RNF26: variants seen among roughly 807,000 people sequenced by gnomAD.
RNF26 encodes E3 ubiquitin-protein ligase RNF26.
RNF26 carries 8 observed loss-of-function variants against 25.4 expected under a neutral mutation model. The ratio of observed to expected loss-of-function variants is 0.31; its 90% CI spans 0.18 to 0.57. RNF26 has a LOEUF of 0.57. Among genes scored for constraint, RNF26 ranks in the 20% least tolerant of loss-of-function variants. The pLI is 0.90. For synonymous variants in RNF26, 262 were observed against 246.7 expected, an observed-to-expected ratio of 1.06 and a Z score of -0.58; for missense variants, 470 against 552.0, an observed-to-expected ratio of 0.85 and a Z score of 1.49.
rs560108942 is a variant in RNF26, at chr11:119,334,797, C to T, written c.-326C>T. 4 of 402,476 alleles carry T rather than the reference C, an allele frequency of 9.9e-6. No individual in the cohort carries two copies. The South Asian group carries it at 1.1e-4, about 11-fold the overall frequency. 24.9% of individuals were successfully genotyped at this position (402,476 alleles called of 1,614,324 possible). On this transcript the variant is annotated 5_prime_UTR_variant, in exon 1 of 1. Coordinates refer to ENST00000311413, the MANE Select transcript of RNF26 (RefSeq NM_032015.5). ...CTCCCGGTCTGACCCGTTGCCCGGC[C>T]GTGGTTCGCCACACCAGGCATCCAA... is the stretch of plus-strand genomic sequence containing the variant.
rs749710031 is a variant in RNF26, at chr11:119,335,091, C to G, written c.-32C>G. On this transcript the variant is annotated 5_prime_UTR_variant, in exon 1 of 1. Coordinates refer to ENST00000311413, the MANE Select transcript of RNF26 (RefSeq NM_032015.5). Reference sequence around the variant, plus strand: ...ACAACCCCCCAACCGAGGAGCCAGACTTTGTTTTGGACTAACTTCCATAGC... The same window carrying G: ...ACAACCCCCCAACCGAGGAGCCAGAGTTTGTTTTGGACTAACTTCCATAGC... The G allele has an allele frequency of 1.9e-6, 3 of 1,566,268 alleles. No individual in the cohort carries two copies. In the African/African-American group the frequency reaches 4.1e-5, roughly 21 times the overall value.
Position 119,336,863 on chromosome 11 carries a change from C to T in RNF26, c.*439C>T, listed in dbSNP as rs979409230. On this transcript the variant is annotated 3_prime_UTR_variant, in exon 1 of 1. Transcript: ENST00000311413. ...TTGGGTGTTTTGGCAACTCAGGGGC[C>T]TTCGGATGATCTTAAACCTTTGTGT... is the stretch of plus-strand genomic sequence containing the variant. 1 of 200,300 alleles carries T rather than the reference C, an allele frequency of 5.0e-6. No homozygotes were observed. The highest frequency in any genetic ancestry group is 2.3e-5 in the African/African-American group (1 of 42,642). The allele number at this position is 200,300 out of a possible 1,614,324, so 12.4% of individuals were successfully genotyped here. A position where few individuals can be genotyped will look rare whatever the true frequency, so the allele number is the denominator to read the frequency against.
rs1284667028 is a variant in RNF26, at chr11:119,335,844, C to T, written c.722C>T (p.Thr241Met). The T allele has an allele frequency of 1.5e-5, 24 of 1,610,990 alleles. No homozygotes were observed. The highest frequency in any genetic ancestry group is 2.2e-5 in the East Asian group (1 of 44,888). The change falls in exon 1 of 1, where the codon ACG (threonine) becomes ATG (methionine). Residue 241 changes from threonine (T) to methionine (M), a missense_variant. Coordinates refer to ENST00000311413, the MANE Select transcript of RNF26 (RefSeq NM_032015.5). ...LVLLACVLAV[T>M]VTVLHPDFTL... Reference sequence around the variant, plus strand: ...TTGCTAGCTTGTGTGCTGGCAGTGACGGTGACTGTGTTGCATCCGGACTTC... The same window carrying T: ...TTGCTAGCTTGTGTGCTGGCAGTGATGGTGACTGTGTTGCATCCGGACTTC...
At position 119,336,389 on chromosome 11, in the gene RNF26, CG is replaced by C. The variant is rs1565289211; in HGVS notation, c.1271del (p.Gly424AlafsTer29). 6.2e-7 allele frequency: 1 copy of C among 1,611,314 alleles called. No homozygotes were observed. Among genetic ancestry groups the C allele is most frequent in the Non-Finnish European group, 8.5e-7 (1 of 1,179,822 alleles). ...CCACCGCAATTGCCCGCTCTGCCGC[CG>C]GGGCATCCTGCAGACCCTCAATGTC... ...VYHRNCPLCRRGILQTLNVYL is the reference protein window; with the variant it reads ...VYHRNCPLCRXGILQTLNVYL On this transcript the variant is annotated frameshift_variant, in exon 1 of 1. Coordinates refer to ENST00000311413, the MANE Select transcript of RNF26 (RefSeq NM_032015.5). LOFTEE classifies it high-confidence loss of function.
chr11:119,335,864 G>T lies in RNF26; in HGVS notation c.742G>T (p.Asp248Tyr). 1 of 1,609,976 alleles carries T rather than the reference G, an allele frequency of 6.2e-7. No homozygotes were observed. Among genetic ancestry groups the T allele is most frequent in the Non-Finnish European group, 8.5e-7 (1 of 1,180,016 alleles). Residue 248 changes from aspartate to tyrosine, a missense_variant, in exon 1 of 1, where the codon GAC becomes TAC. By Grantham distance (160) the Asp-to-Tyr change is radical (BLOSUM62 -3). Coordinates refer to ENST00000311413, the MANE Select transcript of RNF26 (RefSeq NM_032015.5). ...LAVTVTVLHP[D>Y]FTLRLATQAL... Reference sequence around the variant, plus strand: ...AGTGACGGTGACTGTGTTGCATCCGGACTTCACCCTGAGGCTGGCTACCCA... The same window carrying T: ...AGTGACGGTGACTGTGTTGCATCCGTACTTCACCCTGAGGCTGGCTACCCA...
chr11:119,335,905 C>A lies in RNF26; in HGVS notation c.783C>A (p.Leu261=), dbSNP rs1413647128. The A allele has an allele frequency of 6.2e-7, 1 of 1,609,736 alleles. No individual in the cohort carries two copies. The highest frequency in any genetic ancestry group is 8.5e-7 in the Non-Finnish European group (1 of 1,180,014). The change falls in exon 1 of 1, where the codon CTC becomes CTA. Residue 261 remains leucine (L), a synonymous_variant. Transcript: ENST00000311413. ...LRLATQALSQ[L]HARPSYHRLR... is the part of the protein sequence containing the mutation. ...TGGCTACCCAGGCACTCAGCCAGCT[C>A]CATGCCCGGCCATCCTACCACCGTC...
rs148204658 is a variant in RNF26 at position 119,336,118 on chromosome 11, G to T, written c.996G>T (p.Gly332=). Residue 332 remains glycine, a synonymous_variant, in exon 1 of 1, where the codon GGG becomes GGT. Transcript: ENST00000311413. ...GACAGGACACTCTTCCTGAAGCGGG[G>T]CGCAGATCAGAGGCAGAAGAGGAGG... ...TRRQDTLPEA[G]RRSEAEEEEA... 27 of 1,614,074 alleles carry T rather than the reference G, an allele frequency of 1.7e-5. No homozygotes were observed. In the Admixed American group the frequency reaches 4.3e-4, roughly 26 times the overall value.
At position 119,335,923 on chromosome 11, in the gene RNF26, C is replaced by T. The variant is rs1344782094; in HGVS notation, c.801C>T (p.Tyr267=). 6.2e-7 allele frequency: 1 copy of T among 1,610,458 alleles called. No individual in the cohort carries two copies. The highest frequency in any genetic ancestry group is 1.7e-5 in the Admixed American group (1 of 60,032). Reference sequence around the variant, plus strand: ...GCCAGCTCCATGCCCGGCCATCCTACCACCGTCTTCGAGAGGATGTCATGC... The same window carrying T: ...GCCAGCTCCATGCCCGGCCATCCTATCACCGTCTTCGAGAGGATGTCATGC... The part of the protein sequence containing the change: ...ALSQLHARPS[Y]HRLREDVMRL... Residue 267 remains tyrosine, a synonymous_variant, in exon 1 of 1, where the codon TAC becomes TAT. Coordinates refer to ENST00000311413, the MANE Select transcript of RNF26 (RefSeq NM_032015.5).
Position 119,336,029 on chromosome 11 carries a change from C to T in RNF26, c.907C>T (p.Arg303Trp), listed in dbSNP as rs202238538. The part of the protein sequence containing the change: ...RSLQLASWPN[R>W]GGAPGAPQGD... ...TCTGCAGCTGGCGAGTTGGCCAAAC[C>T]GGGGAGGGGCACCTGGAGCTCCCCA... Residue 303 changes from arginine to tryptophan, a missense_variant, in exon 1 of 1, where the codon CGG (arginine) becomes TGG (tryptophan). Arg to Trp is a moderately radical substitution (Grantham distance 101). Coordinates refer to ENST00000311413, the MANE Select transcript of RNF26 (RefSeq NM_032015.5). 9.5e-5 allele frequency: 154 copies of T among 1,613,532 alleles called. 1 individual carries two copies. Among genetic ancestry groups the T allele is most frequent in the Admixed American group, 2.0e-4 (12 of 60,012 alleles).
chr11:119,335,268 C>T lies in RNF26; in HGVS notation c.146C>T (p.Thr49Met). The change falls in exon 1 of 1, where the codon ACG (threonine) becomes ATG (methionine). Residue 49 changes from threonine to methionine, a missense_variant. By Grantham distance (81) the Thr-to-Met change is moderately conservative. Transcript: ENST00000311413. ...GCCTTCGTCTACAACCTGCCGCACA[C>T]GGTACTGACTAGTCTTCTGCACTTG... The part of the protein sequence containing the change: ...LLAFVYNLPH[T>M]VLTSLLHLGR... The T allele has an allele frequency of 6.2e-7, 1 of 1,614,186 alleles. No individual in the cohort carries two copies. The highest frequency in any genetic ancestry group is 1.1e-5 in the South Asian group (1 of 91,084).
rs1267609699 is a variant in RNF26 at position 119,337,223 on chromosome 11, T to A, written c.*799T>A. ...TGTGCACATTTCACTAGGGTCCAAA[T>A]ACAGAAGGGCCCAGGGCCCAGGGGC... is the stretch of plus-strand genomic sequence containing the variant. On this transcript the variant is annotated 3_prime_UTR_variant, in exon 1 of 1. Transcript: ENST00000311413. The A allele has an allele frequency of 5.9e-6, 1 of 169,070 alleles. No individual in the cohort carries two copies. Among genetic ancestry groups the A allele is most frequent in the Non-Finnish European group, 1.5e-5 (1 of 68,262 alleles). The allele number at this position is 169,070 out of a possible 1,614,324, so 10.5% of individuals were successfully genotyped here.
chr11:119,336,179 C>A lies in RNF26; in HGVS notation c.1057C>A (p.Arg353=). 2 of 1,614,104 alleles carry A rather than the reference C, an allele frequency of 1.2e-6. No individual in the cohort carries two copies. Among genetic ancestry groups the A allele is most frequent in the Non-Finnish European group, 1.7e-6 (2 of 1,180,036 alleles). ...RTIRVTPVRG[R]ERLNEEEPPG... ...CATCAGAGTGACACCTGTCAGGGGCCGAGAGAGGCTCAATGAGGAGGAGCC... is the reference window on the plus strand; with the variant it reads ...CATCAGAGTGACACCTGTCAGGGGCAGAGAGAGGCTCAATGAGGAGGAGCC... Residue 353 remains arginine (R), a synonymous_variant, in exon 1 of 1, where the codon CGA becomes AGA. Coordinates refer to ENST00000311413, the MANE Select transcript of RNF26 (RefSeq NM_032015.5).
In RNF26 at chr11:119,335,414, A is replaced by G. The variant is rs935815404; in HGVS notation, c.292A>G (p.Lys98Glu). 2 of 1,613,918 alleles carry G rather than the reference A, an allele frequency of 1.2e-6. No homozygotes were observed. The highest frequency in any genetic ancestry group is 2.7e-5 in the African/African-American group (2 of 74,874). The stretch of plus-strand genomic sequence containing the variant: ...CTGCTGCTCTGGCCTAGAGAGCCTA[A>G]AGCTCCTGGGGCACCTGGCCTCTCA... ...YSCCSGLESL[K>E]LLGHLASHGA... The change falls in exon 1 of 1, where the codon AAG becomes GAG. Residue 98 changes from lysine (K) to glutamate (E), a missense_variant. Transcript: ENST00000311413.
In RNF26 at chr11:119,336,463, G is replaced by A. The variant is rs115186441; in HGVS notation, c.*39G>A. The A allele has an allele frequency of 1.4e-3, 2,185 of 1,562,252 alleles. 28 individuals are homozygous for A. In the African/African-American group the frequency reaches 0.027, roughly 19 times the overall value. On this transcript the variant is annotated 3_prime_UTR_variant, in exon 1 of 1. Coordinates refer to ENST00000311413, the MANE Select transcript of RNF26 (RefSeq NM_032015.5). Reference sequence around the variant, plus strand: ...GCCTGCCCACCCCTCCATGCTCCACGCAGGCACTCACGCTAGGACAGCATT... The same window carrying A: ...GCCTGCCCACCCCTCCATGCTCCACACAGGCACTCACGCTAGGACAGCATT...
chr11:119,335,442 G>C lies in RNF26; in HGVS notation c.320G>C (p.Gly107Ala). ...CTCCTGGGGCACCTGGCCTCTCATG[G>C]GGCACTGCGGAGCAGGGAGATACTG... ...LKLLGHLASH[G>A]ALRSREILHR... Residue 107 changes from glycine to alanine, a missense_variant, in exon 1 of 1, where the codon GGG becomes GCG. Coordinates refer to ENST00000311413, the MANE Select transcript of RNF26 (RefSeq NM_032015.5). 1 of 1,614,000 alleles carries C rather than the reference G, an allele frequency of 6.2e-7. No homozygotes were observed. Among genetic ancestry groups the C allele is most frequent in the African/African-American group, 1.3e-5 (1 of 75,042 alleles).
rs770055202 is a variant in RNF26, at chr11:119,335,999, C to T, written c.877C>T (p.Arg293Cys). 9 of 1,613,274 alleles carry T rather than the reference C, an allele frequency of 5.6e-6. No individual in the cohort carries two copies. The highest frequency in any genetic ancestry group is 6.8e-6 in the Non-Finnish European group (8 of 1,180,006). ...GSEAWRRVWSRSLQLASWPNR... is the reference protein window; with the variant it reads ...GSEAWRRVWSCSLQLASWPNR... ...AGAGGCCTGGCGCCGAGTCTGGAGC[C>T]GCAGTCTGCAGCTGGCGAGTTGGCC... Residue 293 changes from arginine to cysteine, a missense_variant, in exon 1 of 1, where the codon CGC becomes TGC. Transcript: ENST00000311413.
chr11:119,335,077 AC>A lies in RNF26; in HGVS notation c.-44del. On this transcript the variant is annotated 5_prime_UTR_variant, in exon 1 of 1. Coordinates refer to ENST00000311413, the MANE Select transcript of RNF26 (RefSeq NM_032015.5). ...TATTGACAACCTTGACAACCCCCCA[AC>A]CGAGGAGCCAGACTTTGTTTTGGAC... is the stretch of plus-strand genomic sequence containing the variant. 1.3e-6 allele frequency: 2 copies of A among 1,511,198 alleles called. No homozygotes were observed. The highest frequency in any genetic ancestry group is 1.8e-5 in the Admixed American group (1 of 56,158). 93.6% of individuals were successfully genotyped at this position (1,511,198 alleles called of 1,614,324 possible). A position where few individuals can be genotyped will look rare whatever the true frequency, so the allele number is the denominator to read the frequency against.
Position 119,335,327 on chromosome 11 carries a change from A to C in RNF26, c.205A>C (p.Ile69Leu), listed in dbSNP as rs757792798. The change falls in exon 1 of 1, where the codon ATC (isoleucine) becomes CTC (leucine). Residue 69 changes from isoleucine to leucine, a missense_variant. Physicochemically the swap from Ile to Leu is conservative, Grantham distance 5. Coordinates refer to ENST00000311413, the MANE Select transcript of RNF26 (RefSeq NM_032015.5). ...RGVLLSLLAL[I>L]EAVVRFTCGG... ...AGTCTTGCTTTCATTGCTGGCCTTGATCGAAGCCGTGGTCCGGTTCACATG... is the reference window on the plus strand; with the variant it reads ...AGTCTTGCTTTCATTGCTGGCCTTGCTCGAAGCCGTGGTCCGGTTCACATG... 54 of 1,613,970 alleles carry C rather than the reference A, an allele frequency of 3.3e-5. No homozygotes were observed. Among genetic ancestry groups the C allele is most frequent in the Non-Finnish European group, 4.1e-5 (48 of 1,180,036 alleles).
chr11:119,336,172 CAG>C lies in RNF26; in HGVS notation c.1051_1052del (p.Arg351GlyfsTer7), dbSNP rs1950440157. ...CCAGGACCATCAGAGTGACACCTGT[CAG>C]GGGCCGAGAGAGGCTCAATGAGGAG... ...EARTIRVTPV[R>X]GRERLNEEEP... is the part of the protein sequence containing the mutation. On this transcript the variant is annotated frameshift_variant, in exon 1 of 1. Coordinates refer to ENST00000311413, the MANE Select transcript of RNF26 (RefSeq NM_032015.5). LOFTEE classifies it high-confidence loss of function. The C allele has an allele frequency of 2.5e-6, 4 of 1,614,048 alleles. No individual in the cohort carries two copies. Among genetic ancestry groups the C allele is most frequent in the Non-Finnish European group, 2.5e-6 (3 of 1,180,050 alleles).
Sources: gnomAD v4.1 joint callset for allele counts on GRCh38, gnomAD v4.1.1 for gene constraint, MANE v1.5 for transcripts, NCBI Gene and HGNC (gene_info 2026-07-23, HGNC 2026-07-21) for gene names.